Variants in COL9A1 observed in about 807,000 individuals in gnomAD.
The protein encoded by COL9A1 is collagen alpha-1(IX) chain.
Under a neutral mutation model 142.6 loss-of-function variants are expected in COL9A1, and 104 were observed. The ratio of observed to expected loss-of-function variants is 0.73; its 90% CI spans 0.62 to 0.86. The LOEUF is 0.86. COL9A1 is among the 40% of genes least tolerant of loss of function. The pLI is 0.00. For missense variants in COL9A1, 1,210 were observed against 1,176.6 expected, an observed-to-expected ratio of 1.03 and a Z score of -0.42; for synonymous variants, 466 against 396.0, an observed-to-expected ratio of 1.18 and a Z score of -2.10.
rs1057518423 is a variant in COL9A1 at position 70,255,331 on chromosome 6, A to G, written c.1557+6T>C. 1 of 1,613,854 alleles carries G rather than the reference A, an allele frequency of 6.2e-7. No individual in the cohort carries two copies. Among genetic ancestry groups the G allele is most frequent in the Non-Finnish European group, 8.5e-7 (1 of 1,179,816 alleles). On this transcript the variant is annotated splice_donor_region_variant and intron_variant, in intron 22 of 37. Coordinates refer to ENST00000357250, the MANE Select transcript of COL9A1 (RefSeq NM_001851.6). ...GGAGGCTTGGAGTGACTGAATTTAA[A>G]CTCACTCTATCTCCTTTGGGACCTG...
At chr6:70,284,658 A>T (rs1313872896) in intron 5 of COL9A1, among the ~76,000 whole-genome samples, 3 of 152,194 alleles carry the variant, frequency 2.0e-5, no homozygotes, top group Non-Finnish European at 2.9e-5. Context: ...AGGCAAAAAA[A>T]ATTAAAATGT....
chr6:70,275,799 AC>A (rs1192307374), intron 10 of COL9A1, among the ~76,000 whole-genome samples: 1 of 152,132 alleles, frequency 6.6e-6, no homozygotes, highest in Non-Finnish European at 1.5e-5. Flanking sequence ...TATCTTATAA[AC>A]CCTTTCTATT....
At position 70,294,639 on chromosome 6, in the gene COL9A1, G is replaced by C; in HGVS notation, c.300-76C>G. The C allele has an allele frequency of 2.1e-6, 3 of 1,422,648 alleles. No individual in the cohort carries two copies. The South Asian group carries it at 3.5e-5, about 17-fold the overall frequency. The allele number at this position is 1,422,648 out of a possible 1,614,324, so 88.1% of individuals were successfully genotyped here. A position where few individuals can be genotyped will look rare whatever the true frequency, so the allele number is the denominator to read the frequency against. On this transcript the variant is annotated intron_variant, in intron 4 of 37. Transcript: ENST00000357250. ...ATGTATTTACCACATTCCCTTTTGA[G>C]GCCATTTTAGATGCCAGACCTATAG...
chr6:70,288,126 A>C (rs1773523483), intron 5 of COL9A1, among the ~76,000 whole-genome samples: 1 of 151,952 alleles, frequency 6.6e-6, no homozygotes, highest in Non-Finnish European at 1.5e-5. Flanking sequence ...CAAAACCCAA[A>C]CTAACTCCTG....
rs6933842 is a variant in COL9A1 at position 70,268,353 on chromosome 6, T to G, written c.1287+451A>C. 2.9e-3 allele frequency among the ~76,000 whole-genome samples: 443 copies of G among 152,246 alleles called. 3 individuals are homozygous for G. Among genetic ancestry groups the G allele is most frequent in the African/African-American group, 0.01 (423 of 41,546 alleles). On this transcript the variant is annotated intron_variant, in intron 17 of 37. Coordinates refer to ENST00000357250, the MANE Select transcript of COL9A1 (RefSeq NM_001851.6). The stretch of plus-strand genomic sequence containing the variant: ...CCTCAGCCTCCCGAGTAGCCAGGAC[T>G]ACAAGTGCATGCCACCATGCCTAGC...
chr6:70,245,523 A>T (rs1770539175), intron 28 of COL9A1: 1 of 109,328 alleles, frequency 9.1e-6, no homozygotes, highest in South Asian at 2.4e-4. Flanking sequence ...ATATTCTCAG[A>T]TATGGGCAAG....
At chr6:70,273,660 C>T (rs1025010839) in intron 12 of COL9A1, among the ~76,000 whole-genome samples, 29 of 152,022 alleles carry the variant, frequency 1.9e-4, no homozygotes, top group Non-Finnish European at 3.4e-4. Flanking sequence ...AGAGATAAAA[C>T]CAGTTGTGAA....
chr6:70,225,629 T>C (rs1366988124), intron 37 of COL9A1, among the ~76,000 whole-genome samples: 20 of 151,962 alleles, frequency 1.3e-4, no homozygotes. Flanking sequence ...TAGAAATAGA[T>C]AGGATCCAAT....
chr6:70,274,120 T>C, intron 11 of COL9A1, 38 bp from the exon 12 acceptor site: 1 of 1,488,158 alleles, frequency 6.7e-7, no homozygotes, highest in Non-Finnish European at 9.3e-7. Context: ...TGACCTTTCA[T>C]ATCATGAATA....
intron 18 of COL9A1, among the ~76,000 whole-genome samples, chr6:70,265,119 A>G (rs1771928976): frequency 6.6e-6 from 1 of 152,178 alleles, no homozygotes; most frequent in African/African-American, 2.4e-5. Context: ...TTGGCCAATT[A>G]CTTGACATGC....
chr6:70,291,158 A>C (rs1773643876), intron 5 of COL9A1, among the ~76,000 whole-genome samples: 1 of 152,168 alleles, frequency 6.6e-6, no homozygotes, highest in African/African-American at 2.4e-5. Context: ...AGGACAACTC[A>C]TGGACACACA....
intron 20 of COL9A1, chr6:70,258,491 C>T (rs1478167813): frequency 6.6e-6 from 1 of 152,066 alleles, no homozygotes; most frequent in Non-Finnish European, 1.5e-5. Context: ...ACCAGAGAGC[C>T]CTGAAATTCT....
Position 70,268,860 on chromosome 6 carries a change from A to G in COL9A1, c.1231T>C (p.Cys411Arg), listed in dbSNP as rs768718838. 6.2e-7 allele frequency: 1 copy of G among 1,613,728 alleles called. No homozygotes were observed. Among genetic ancestry groups the G allele is most frequent in the African/African-American group, 1.3e-5 (1 of 74,926 alleles). The part of the protein sequence containing the change: ...TIGFHDGDPL[C>R]PNACPPGRSG... ...CGACCTGGTGGACAGGCATTGGGAC[A>G]CTGCCAGGGAGAGAGGGAACAAAGA... Residue 411 changes from cysteine (C) to arginine (R), a missense_variant and splice_region_variant, in exon 17 of 38, where the codon TGT (cysteine) becomes CGT (arginine). By Grantham distance (180) the Cys-to-Arg change is radical. Coordinates refer to ENST00000357250, the MANE Select transcript of COL9A1 (RefSeq NM_001851.6).
chr6:70,221,098 G>GT (rs58207213), intron 37 of COL9A1, among the ~76,000 whole-genome samples: 112 of 148,324 alleles, frequency 7.6e-4, no homozygotes, highest in Middle Eastern at 3.5e-3. Context: ...ATTGCTAAAC[G>GT]TTTTTTTTTT....
At chr6:70,268,912 A>C (rs1157903587) in intron 16 of COL9A1, 52 bp from the exon 17 acceptor site, 1 of 1,507,100 alleles carries the variant, frequency 6.6e-7, no homozygotes, top group Non-Finnish European at 9.2e-7. Context: ...GAGTGCATAA[A>C]CTAGGACTCC....
At chr6:70,254,901 A>G in intron 24 of COL9A1, 62 bp downstream of exon 24, 1 of 1,457,318 alleles carries the variant, frequency 6.9e-7, no homozygotes, top group Non-Finnish European at 9.6e-7. Context: ...TGGAAATGCC[A>G]CACTCAGTTG....
At chr6:70,240,631 C>A (rs926953880) in intron 32 of COL9A1, 58 bp downstream of exon 32, 7 of 1,208,980 alleles carry the variant, frequency 5.8e-6, no homozygotes, top group Non-Finnish European at 8.6e-6. Context: ...TATATATATA[C>A]TTCTAACAGT....
chr6:70,297,807 G>C (rs1298366959), intron 4 of COL9A1, among the ~76,000 whole-genome samples: 3 of 151,878 alleles, frequency 2.0e-5, no homozygotes, highest in Non-Finnish European at 4.4e-5. Context: ...TTTGTTAGTG[G>C]GAGTTGAGAG....
intron 18 of COL9A1, among the ~76,000 whole-genome samples, chr6:70,264,136 AT>A (rs1771870994): frequency 6.6e-6 from 1 of 152,002 alleles, no homozygotes; most frequent in Non-Finnish European, 1.5e-5. Context: ...AATTACTGAA[AT>A]TCTATAATAC....
Sources: allele counts gnomAD v4.1 joint callset (sites outside exome capture counted in the v4.1 genomes callset), GRCh38; gene constraint gnomAD v4.1.1; transcripts MANE v1.5; gene names NCBI Gene and HGNC (gene_info 2026-07-23, HGNC 2026-07-21).